Variants in IL11RA observed in about 807,000 individuals in gnomAD.
IL11RA encodes the protein interleukin 11 receptor subunit alpha, also known as interleukin-11 receptor subunit alpha.
A neutral mutation model predicts 57.0 loss-of-function variants in IL11RA; 51 were observed. The ratio of observed to expected loss-of-function variants is 0.89; its 90% CI spans 0.71 to 1.13. The LOEUF (loss-of-function observed/expected upper bound fraction) is 1.13, where lower values mean the gene tolerates loss of function less well. Among genes scored for constraint, IL11RA ranks in the 50% most tolerant of loss-of-function variants. IL11RA has a pLI of 0.00. For missense variants in IL11RA, 498 were observed against 539.4 expected, an observed-to-expected ratio of 0.92 and a Z score of 0.76; for synonymous variants, 199 against 217.5, an observed-to-expected ratio of 0.91 and a Z score of 0.75.
chr9:34,655,381 C>T, intron 2 of IL11RA, 64 bp downstream of exon 2: 1 of 1,046,416 alleles, frequency 9.6e-7, no homozygotes, highest in Admixed American at 1.9e-5. Context: ...CTCACTGTGG[C>T]CCCTTCCCAT....
intron 11 of IL11RA, 83 bp downstream of exon 11, chr9:34,660,683 A>T (rs1048174838): frequency 1.2e-5 from 16 of 1,299,782 alleles, no homozygotes; most frequent in Admixed American, 1.7e-5. Flanking sequence ...TCCACCCTTC[A>T]TGACTGCCCG....
At position 34,659,861 on chromosome 9, in the gene IL11RA, A is replaced by G; in HGVS notation, c.913A>G (p.Ser305Gly). 1 of 1,614,208 alleles carries G rather than the reference A, an allele frequency of 6.2e-7. No homozygotes were observed. Among genetic ancestry groups the G allele is most frequent in the Non-Finnish European group, 8.5e-7 (1 of 1,180,034 alleles). The change falls in exon 9 of 13, where the codon AGC (serine) becomes GGC (glycine). Residue 305 changes from serine (S) to glycine (G), a missense_variant. Coordinates refer to ENST00000441545, the MANE Select transcript of IL11RA (RefSeq NM_001142784.3). ...ARDFLDAGTW[S>G]TWSPEAWGTP... ...GGACTTTCTAGATGCTGGCACCTGG[A>G]GCACCTGGAGCCCGGAGGCCTGGGG...
rs767102366 is a variant in IL11RA, at chr9:34,661,496, T to C, written c.1267T>C (p.Ter423GlnextTer12). The C allele has an allele frequency of 1.2e-6, 2 of 1,613,830 alleles. No homozygotes were observed. Among genetic ancestry groups the C allele is most frequent in the South Asian group, 2.2e-5 (2 of 91,066 alleles). ...GCTTCTTCTAGGAGCTCCAAACCTG[T>C]AGAGGACCCAGGAGGGCTTCGGCAG... is the stretch of plus-strand genomic sequence containing the variant. ...VDRRPGAPNL[*>Q] Residue 423 changes from the stop codon to glutamine, a stop_lost, in exon 13 of 13, where the codon TAG becomes CAG. Transcript: ENST00000441545.
rs373290583 is a variant in IL11RA at position 34,660,374 on chromosome 9, A to C, written c.1053A>C (p.Gln351His). 2.6e-5 allele frequency: 42 copies of C among 1,613,916 alleles called. No individual in the cohort carries two copies. The highest frequency in any genetic ancestry group is 3.5e-5 in the Non-Finnish European group (41 of 1,179,972). Residue 351 changes from glutamine to histidine, a missense_variant, in exon 10 of 13, where the codon CAA becomes CAC. By Grantham distance (24) the Gln-to-His change is conservative. Transcript: ENST00000441545. ...CTGCTCCTCCAAGGCCCTCCCTCCA[A>C]CCACACCCTCGGCTACTTGGTGAGC... ...DSPAPPRPSL[Q>H]PHPRLLDHRD...
Position 34,657,560 on chromosome 9 carries a change from C to T in IL11RA, c.619C>T (p.Leu207=). ...EVNPLGASTR[L]LDVSLQSILR... is the part of the protein sequence containing the mutation. ...GAACCCACTGGGTGCCAGCACACGC[C>T]TGCTGGATGTGAGCTTGCAGAGCAT... The change falls in exon 7 of 13, where the codon CTG becomes TTG. Residue 207 remains leucine (L), a synonymous_variant. Transcript: ENST00000441545. 6.2e-7 allele frequency: 1 copy of T among 1,614,166 alleles called. No individual in the cohort carries two copies. The highest frequency in any genetic ancestry group is 8.5e-7 in the Non-Finnish European group (1 of 1,180,014).
chr9:34,656,446 G>A (rs1016858415), intron 3 of IL11RA, among the ~76,000 whole-genome samples: 6 of 152,172 alleles, frequency 3.9e-5, no homozygotes, highest in Admixed American at 3.3e-4. Context: ...ATAAGCGCTC[G>A]TGACAGAGGG....
chr9:34,655,014 T>C (rs776565912), intron 1 of IL11RA: 14 of 573,076 alleles, frequency 2.4e-5, no homozygotes, highest in East Asian at 1.2e-4. Context: ...TGTGTGTGTG[T>C]GTGCGCGCGC....
rs1821355241 is a variant in IL11RA, at chr9:34,656,916, G to A, written c.331+8G>A. 6.2e-7 allele frequency: 1 copy of A among 1,613,918 alleles called. No individual in the cohort carries two copies. Among genetic ancestry groups the A allele is most frequent in the Non-Finnish European group, 8.5e-7 (1 of 1,179,964 alleles). On this transcript the variant is annotated splice_region_variant and intron_variant, in intron 4 of 12. Transcript: ENST00000441545. The stretch of plus-strand genomic sequence containing the variant: ...TGACCCTGCAGCTGGGCTGTGAGTT[G>A]GGGAGGGTGGCACTGATGACACATA...
chr9:34,657,861 G>A (rs1821378650), intron 7 of IL11RA, among the ~76,000 whole-genome samples: 1 of 152,230 alleles, frequency 6.6e-6, no homozygotes, highest in Non-Finnish European at 1.5e-5. Context: ...CATATGTCAT[G>A]TCCTCCCTTG....
At chr9:34,659,145 G>A (rs1454644571) in intron 8 of IL11RA, among the ~76,000 whole-genome samples, 1 of 152,062 alleles carries the variant, frequency 6.6e-6, no homozygotes, top group Non-Finnish European at 1.5e-5. Context: ...GGCTGGTCTC[G>A]AACTCATGAC....
intron 3 of IL11RA, 152 bp downstream of exon 3, chr9:34,655,817 GA>G: frequency 1.4e-6 from 1 of 737,728 alleles, no homozygotes; most frequent in Admixed American, 2.0e-5. Flanking sequence ...TTATTCAACA[GA>G]AAATTCAACT....
At chr9:34,656,525 A>G (rs1279311690) in intron 3 of IL11RA, among the ~76,000 whole-genome samples, 4 of 152,194 alleles carry the variant, frequency 2.6e-5, no homozygotes, top group Non-Finnish European at 5.9e-5. Context: ...AAGAAGACCA[A>G]TGTAGCTGGA....
At chr9:34,660,232 C>G (rs770802423) in intron 9 of IL11RA, 42 bp from the exon 10 acceptor site, 11 of 1,613,996 alleles carry the variant, frequency 6.8e-6, no homozygotes, top group Non-Finnish European at 9.3e-6. Flanking sequence ...ACCCCCGTCC[C>G]CACCAGCGTA....
In IL11RA at chr9:34,658,273, A is replaced by G. The variant is rs924806442; in HGVS notation, c.647-247A>G. Reference sequence around the variant, plus strand: ...CCCACGCTGGTCTCAAACTCGTGGCATCAAGTGATCCTCCCGCCTCAGTCT... The same window carrying G: ...CCCACGCTGGTCTCAAACTCGTGGCGTCAAGTGATCCTCCCGCCTCAGTCT... On this transcript the variant is annotated intron_variant, in intron 7 of 12. Coordinates refer to ENST00000441545, the MANE Select transcript of IL11RA (RefSeq NM_001142784.3). The surrounding 1 kb of genome is among the most constrained non-coding windows in gnomAD (Gnocchi z 4.0). Among the ~76,000 whole-genome samples, 13 of 152,286 alleles carry G rather than the reference A, an allele frequency of 8.5e-5. No individual in the cohort carries two copies. In the East Asian group the frequency reaches 1.4e-3, roughly 16 times the overall value.
rs753830066 is a variant in IL11RA at position 34,660,588 on chromosome 9, C to A, written c.1157C>A (p.Ala386Glu). ...CTGGGACTGGTGGCTGGGGCCCTGGCACTGGGGCTCTGGTAAGTGACTGCC... is the reference window on the plus strand; with the variant it reads ...CTGGGACTGGTGGCTGGGGCCCTGGAACTGGGGCTCTGGTAAGTGACTGCC... Reference protein sequence around the residue: ...SFLGLVAGALALGLWLRLRRG... With the variant: ...SFLGLVAGALELGLWLRLRRG... The change falls in exon 11 of 13, where the codon GCA becomes GAA. Residue 386 changes from alanine (A) to glutamate (E), a missense_variant. Coordinates refer to ENST00000441545, the MANE Select transcript of IL11RA (RefSeq NM_001142784.3). 3.2e-5 allele frequency: 51 copies of A among 1,613,506 alleles called. No homozygotes were observed. The highest frequency in any genetic ancestry group is 4.1e-5 in the Non-Finnish European group (48 of 1,179,580).
chr9:34,658,748 T>G lies in IL11RA; in HGVS notation c.810+65T>G, dbSNP rs1018619902. ...CTGTCTCTGATTTCACGATCCTGGGTGTTCTGTATAGCTTTCCAGTGCTGG... is the reference window on the plus strand; with the variant it reads ...CTGTCTCTGATTTCACGATCCTGGGGGTTCTGTATAGCTTTCCAGTGCTGG... On this transcript the variant is annotated intron_variant, in intron 8 of 12. Coordinates refer to ENST00000441545, the MANE Select transcript of IL11RA (RefSeq NM_001142784.3). The surrounding 1 kb of genome is among the most constrained non-coding windows in gnomAD (Gnocchi z 4.0). 1 of 1,563,776 alleles carries G rather than the reference T, an allele frequency of 6.4e-7. No individual in the cohort carries two copies. The highest frequency in any genetic ancestry group is 8.7e-7 in the Non-Finnish European group (1 of 1,146,652).
chr9:34,660,543 CTT>C lies in IL11RA; in HGVS notation c.1114_1115del (p.Leu372GlyfsTer71), dbSNP rs1247987286. 3.1e-6 allele frequency: 5 copies of C among 1,614,084 alleles called. No homozygotes were observed. Among genetic ancestry groups the C allele is most frequent in the African/African-American group, 1.3e-5 (1 of 74,940 alleles). On this transcript the variant is annotated frameshift_variant, in exon 11 of 13. Transcript: ENST00000441545. LOFTEE classifies it high-confidence loss of function. ...GTGGAGCAGGTAGCTGTGCTGGCGT[CTT>C]TGGGAATCCTTTCTTTCCTGGGACT...
Position 34,661,544 on chromosome 9 carries a change from G to C in IL11RA, c.*46G>C. 4.4e-6 allele frequency: 7 copies of C among 1,601,396 alleles called. No individual in the cohort carries two copies. Among genetic ancestry groups the C allele is most frequent in the Non-Finnish European group, 6.0e-6 (7 of 1,168,424 alleles). ...CAGATTCCACCTATAATTCTGTCTTGCTGGTGTGGATAGAAACCAGGCAGG... is the reference window on the plus strand; with the variant it reads ...CAGATTCCACCTATAATTCTGTCTTCCTGGTGTGGATAGAAACCAGGCAGG... On this transcript the variant is annotated 3_prime_UTR_variant, in exon 13 of 13. Transcript: ENST00000441545.
At chr9:34,656,210 A>G (rs1230089162) in intron 3 of IL11RA, among the ~76,000 whole-genome samples, 5 of 151,536 alleles carry the variant, frequency 3.3e-5, no homozygotes, top group Non-Finnish European at 5.9e-5. Flanking sequence ...TTTTTTTTGT[A>G]TTTTTAGTAG....
Sources: gnomAD v4.1 joint callset for allele counts (sites outside exome capture counted in the v4.1 genomes callset) on GRCh38, gnomAD v4.1.1 for gene constraint, Gnocchi (gnomAD v3.1) non-coding constraint, MANE v1.5 for transcripts, NCBI Gene and HGNC (gene_info 2026-07-23, HGNC 2026-07-21) for gene names.